Variants in GATB observed in about 807,000 individuals in gnomAD.
GATB encodes the protein glutamyl-tRNA amidotransferase subunit B.
A neutral mutation model predicts 62.3 loss-of-function variants in GATB; 39 were observed. That is an observed-to-expected ratio of 0.63 (90% confidence interval 0.48 to 0.82). GATB has a LOEUF of 0.82. GATB is among the 40% of genes least tolerant of loss of function. The pLI, the probability that GATB is intolerant of heterozygous loss-of-function variation, is 0.00. For synonymous variants in GATB, 276 were observed against 258.9 expected, an observed-to-expected ratio of 1.07 and a Z score of -0.63; for missense variants, 670 against 684.0, an observed-to-expected ratio of 0.98 and a Z score of 0.23.
Position 151,760,871 on chromosome 4 carries a change from G to C in GATB, c.112C>G (p.Gln38Glu), listed in dbSNP as rs146687200. 1 of 1,614,048 alleles carries C rather than the reference G, an allele frequency of 6.2e-7. No homozygotes were observed. Among genetic ancestry groups the C allele is most frequent in the Non-Finnish European group, 8.5e-7 (1 of 1,179,956 alleles). The change falls in exon 1 of 13, where the codon CAG becomes GAG. Residue 38 changes from glutamine (Q) to glutamate (E), a missense_variant. By Grantham distance (29) the Gln-to-Glu change is conservative (BLOSUM62 2). Coordinates refer to ENST00000263985, the MANE Select transcript of GATB (RefSeq NM_004564.3). The part of the protein sequence containing the change: ...RGAPTGSTSN[Q>E]IRGESSVAQQ... ...GCCACTGAGCTCTCTCCCCTAATCT[G>C]GTTGGATGTGGACCCAGTCGGAGCC...
At chr4:151,719,358 A>G in intron 3 of GATB, 67 bp downstream of exon 3, 1 of 1,134,176 alleles carries the variant, frequency 8.8e-7, no homozygotes, top group Non-Finnish European at 1.3e-6. Flanking sequence ...CCTTGCTCCG[A>G]CCCCCCACAG....
At chr4:151,679,981 G>A (rs1168835419) in intron 10 of GATB, 90 bp from the exon 11 acceptor site, 2 of 1,186,076 alleles carry the variant, frequency 1.7e-6, no homozygotes, top group Admixed American at 1.7e-5. Flanking sequence ...ACTTGCTCTA[G>A]TGGGGGTAAA....
intron 5 of GATB, among the ~76,000 whole-genome samples, chr4:151,709,964 C>G (rs530335309): frequency 6.6e-6 from 1 of 152,296 alleles, no homozygotes; most frequent in East Asian, 1.9e-4. Flanking sequence ...TCTGTATACA[C>G]AACCCTGTCT....
At chr4:151,747,647 G>A (rs1320545952) in intron 2 of GATB, among the ~76,000 whole-genome samples, 3 of 152,218 alleles carry the variant, frequency 2.0e-5, no homozygotes, top group Admixed American at 2.0e-4. Context: ...ACACATCCTG[G>A]CTAAAGCTAT....
intron 9 of GATB, among the ~76,000 whole-genome samples, chr4:151,689,496 G>A (rs528240586): frequency 9.3e-4 from 141 of 152,234 alleles, no homozygotes; most frequent in African/African-American, 3.3e-3. Context: ...CATCAAGACT[G>A]TACCACTTCT....
chr4:151,743,256 C>T (rs919962663), intron 2 of GATB, among the ~76,000 whole-genome samples: 3 of 152,144 alleles, frequency 2.0e-5, no homozygotes, highest in Admixed American at 2.0e-4. Context: ...TGGGGAAATC[C>T]GATGCACAGG....
In GATB at chr4:151,671,165, C is replaced by G; in HGVS notation, c.*9G>C. 2 of 1,614,084 alleles carry G rather than the reference C, an allele frequency of 1.2e-6. No individual in the cohort carries two copies. ...TTGTTGTCCCTTGGGCAAGGGGATC[C>G]CAAACATCTCACAATGACAGCTTCT... On this transcript the variant is annotated 3_prime_UTR_variant, in exon 13 of 13. Transcript: ENST00000263985.
intron 11 of GATB, chr4:151,677,604 C>T (rs1328942746): frequency 6.6e-6 from 1 of 152,118 alleles, no homozygotes; most frequent in Non-Finnish European, 1.5e-5. Context: ...TTCCTAATAG[C>T]CAAAATGTGG....
intron 9 of GATB, among the ~76,000 whole-genome samples, chr4:151,693,588 T>C (rs1738412937): frequency 6.6e-6 from 1 of 152,148 alleles, no homozygotes; most frequent in East Asian, 1.9e-4. Flanking sequence ...CTGCAGAGGC[T>C]CTGAAATGGA....
Position 151,712,584 on chromosome 4 carries a change from G to A in GATB, c.763+3425C>T, listed in dbSNP as rs560110679. 2.2e-4 allele frequency among the ~76,000 whole-genome samples: 33 copies of A among 152,300 alleles called. No individual in the cohort carries two copies. In the South Asian group the frequency reaches 6.8e-3, roughly 32 times the overall value. On this transcript the variant is annotated intron_variant, in intron 5 of 12. Transcript: ENST00000263985. ...CAAACAGCAGGGGCCCAAAGATGCA[G>A]TGGGTAAGGTTTGTTAAGCTATCTC...
At position 151,688,755 on chromosome 4, in the gene GATB, G is replaced by T; in HGVS notation, c.1206C>A (p.Val402=). The change falls in exon 10 of 13, where the codon GTC becomes GTA. Residue 402 remains valine, a synonymous_variant. Coordinates refer to ENST00000263985, the MANE Select transcript of GATB (RefSeq NM_004564.3). ...LEHSFTLLNE[V]GLLEFFQNVI... ...CATTTTGGAAGAACTCCAGTAGGCCGACTTCGTTCTGTTAAAAAAAAAAAA... is the reference window on the plus strand; with the variant it reads ...CATTTTGGAAGAACTCCAGTAGGCCTACTTCGTTCTGTTAAAAAAAAAAAA... 6.4e-7 allele frequency: 1 copy of T among 1,563,978 alleles called. No homozygotes were observed. The highest frequency in any genetic ancestry group is 2.1e-5 in the Admixed American group (1 of 46,766).
intron 9 of GATB, among the ~76,000 whole-genome samples, chr4:151,699,965 C>T (rs190022831): frequency 2.7e-4 from 41 of 152,254 alleles, no homozygotes; most frequent in Admixed American, 1.4e-3. Flanking sequence ...GTCCCTTCCT[C>T]CCATCTCCTA....
chr4:151,708,224 C>A (rs528590059), intron 5 of GATB, 123 bp from the exon 6 acceptor site: 2 of 671,558 alleles, frequency 3.0e-6, no homozygotes, highest in East Asian at 2.7e-5. Flanking sequence ...AGCAGCCTAA[C>A]TTCAGAGAAG....
chr4:151,673,012 C>T (rs918690087), intron 11 of GATB, 116 bp from the exon 12 acceptor site: 3 of 1,303,916 alleles, frequency 2.3e-6, no homozygotes, highest in Non-Finnish European at 3.2e-6. Flanking sequence ...TCAATTAAGT[C>T]CCCACTGCCT....
chr4:151,714,202 T>A (rs1452487808), intron 5 of GATB, among the ~76,000 whole-genome samples: 1 of 152,116 alleles, frequency 6.6e-6, no homozygotes, highest in African/African-American at 2.4e-5. Context: ...AGCAAAACTA[T>A]CAGGAACTCA....
chr4:151,693,317 C>T (rs912848255), intron 9 of GATB, among the ~76,000 whole-genome samples: 1 of 152,254 alleles, frequency 6.6e-6, no homozygotes, highest in East Asian at 1.9e-4. Context: ...TTCAGTGGGG[C>T]GGTGGCTTGG....
At chr4:151,716,784 T>G in intron 4 of GATB, 92 bp downstream of exon 4, 1 of 1,204,298 alleles carries the variant, frequency 8.3e-7, no homozygotes, top group Non-Finnish European at 1.2e-6. Flanking sequence ...GCTTTCTCAA[T>G]TTGTTCAAGA....
intron 9 of GATB, among the ~76,000 whole-genome samples, chr4:151,696,283 G>A (rs1175792428): frequency 6.6e-6 from 1 of 152,038 alleles, no homozygotes; most frequent in East Asian, 1.9e-4. Flanking sequence ...TTATTTATAG[G>A]GCAGTCTGGC....
chr4:151,685,037 C>T (rs970753625), intron 10 of GATB, among the ~76,000 whole-genome samples: 28 of 152,308 alleles, frequency 1.8e-4, no homozygotes, highest in Admixed American at 1.3e-3. Context: ...CTAGGGCCTC[C>T]GTCACCTCGT....
Sources: allele counts gnomAD v4.1 joint callset (sites outside exome capture counted in the v4.1 genomes callset), GRCh38; gene constraint gnomAD v4.1.1; transcripts MANE v1.5; gene names NCBI Gene and HGNC (gene_info 2026-07-23, HGNC 2026-07-21).